MYO3B: variants seen among roughly 807,000 people sequenced by gnomAD.
The protein encoded by MYO3B is myosin-IIIb.
In MYO3B, 156 loss-of-function variants were observed where a neutral mutation model predicts 174.6. The ratio of observed to expected loss-of-function variants is 0.89; its 90% confidence interval spans 0.78 to 1.02. The LOEUF is 1.02. MYO3B is among the 50% of genes least tolerant of loss of function. MYO3B has a pLI of 0.00. For missense variants in MYO3B, 1,632 were observed against 1,639.4 expected (o/e 1.00, Z 0.08); for synonymous variants, 563 against 569.1 (o/e 0.99, Z 0.15).
At chr2:170,543,144 A>G (rs1215795349) in intron 31 of MYO3B, among the ~76,000 whole-genome samples, 178 bp downstream of exon 31, 1 of 152,204 alleles carries the variant, frequency 6.6e-6, no homozygotes, top group East Asian at 1.9e-4. Flanking sequence ...TTGGTTCAGT[A>G]GAGAGACAGG....
chr2:170,261,701 C>T (rs1258718234), intron 7 of MYO3B, among the ~76,000 whole-genome samples: 1 of 152,190 alleles, frequency 6.6e-6, no homozygotes, highest in Non-Finnish European at 1.5e-5. Flanking sequence ...CTGGTTGTGG[C>T]ATGATGCTAT....
chr2:170,399,497 A>G (rs1028566414), intron 16 of MYO3B, among the ~76,000 whole-genome samples: 1 of 150,970 alleles, frequency 6.6e-6, no homozygotes, highest in African/African-American at 2.4e-5. Flanking sequence ...AAGGTTAATT[A>G]TATATATTTC....
chr2:170,383,216 C>A, intron 11 of MYO3B, 27 bp downstream of exon 11: 1 of 1,338,266 alleles, frequency 7.5e-7, no homozygotes, highest in Non-Finnish European at 1.1e-6. Context: ...GAGCATACTG[C>A]TCCTTAATAG....
intron 18 of MYO3B, 33 bp from the exon 19 acceptor site, chr2:170,402,815 C>T: frequency 6.4e-7 from 1 of 1,565,540 alleles, no homozygotes; most frequent in Non-Finnish European, 8.7e-7. Context: ...GTGTTTCCTC[C>T]CCTAAAGAGT....
chr2:170,522,902 A>G (rs183638940), intron 30 of MYO3B, among the ~76,000 whole-genome samples: 1 of 152,342 alleles, frequency 6.6e-6, no homozygotes, highest in East Asian at 1.9e-4. Context: ...AGGATAATGA[A>G]TTTGTGCCCA....
In MYO3B at chr2:170,652,097, C is replaced by T. The variant is rs370369235; in HGVS notation, c.3841-11C>T. 6.2e-7 allele frequency: 1 copy of T among 1,611,062 alleles called. No homozygotes were observed. Among genetic ancestry groups the T allele is most frequent in the East Asian group, 2.2e-5 (1 of 44,864 alleles). On this transcript the variant is annotated splice_polypyrimidine_tract_variant and intron_variant, in intron 33 of 34. Transcript: ENST00000408978. Reference sequence around the variant, plus strand: ...TTTGCTTTGACTGTGTGTTCTTGGCCCTCTCCACAGGGAACTCTAGAATAT... The same window carrying T: ...TTTGCTTTGACTGTGTGTTCTTGGCTCTCTCCACAGGGAACTCTAGAATAT...
intron 19 of MYO3B, among the ~76,000 whole-genome samples, chr2:170,403,278 CTTTA>C (rs2094490015): frequency 6.6e-6 from 1 of 151,710 alleles, no homozygotes; most frequent in Non-Finnish European, 1.5e-5. Flanking sequence ...ATCTCTTCTA[CTTTA>C]TTTAACTAAA....
At chr2:170,348,150 T>C (rs550032178) in intron 8 of MYO3B, 1 of 152,272 alleles carries the variant, frequency 6.6e-6, no homozygotes, top group African/African-American at 2.4e-5. Flanking sequence ...AAGCAAAATA[T>C]AATGTTTTTA....
At chr2:170,539,429 G>A (rs1161536952) in intron 30 of MYO3B, among the ~76,000 whole-genome samples, 2 of 152,160 alleles carry the variant, frequency 1.3e-5, no homozygotes, top group African/African-American at 4.8e-5. Context: ...CGTGGTGTTA[G>A]TGGTGTTAAA....
intron 7 of MYO3B, among the ~76,000 whole-genome samples, chr2:170,263,973 C>T (rs967313421): frequency 6.6e-6 from 1 of 152,164 alleles, no homozygotes; most frequent in African/African-American, 2.4e-5. Flanking sequence ...GGCAGAGATC[C>T]CTGTGGCCTT....
chr2:170,497,880 G>C (rs1686983455), intron 25 of MYO3B, among the ~76,000 whole-genome samples: 1 of 149,580 alleles, frequency 6.7e-6, no homozygotes, highest in Admixed American at 6.7e-5. Context: ...ATGAGGCAGA[G>C]GTTGCAGTGA....
chr2:170,651,044 C>A (rs1246520378), intron 32 of MYO3B, among the ~76,000 whole-genome samples: 1 of 152,128 alleles, frequency 6.6e-6, no homozygotes, highest in Non-Finnish European at 1.5e-5. Flanking sequence ...CAGGGAGAGA[C>A]TGCTTCATGT....
In MYO3B at chr2:170,382,108, A is replaced by G. The variant is rs1212982209; in HGVS notation, c.1064A>G (p.Asp355Gly). 17 of 1,611,622 alleles carry G rather than the reference A, an allele frequency of 1.1e-5. No individual in the cohort carries two copies. The highest frequency in any genetic ancestry group is 1.3e-5 in the African/African-American group (1 of 74,992). ...GATTTGGTCAACCTAGAGGTTCTGGATGAGGTACTAAATATTTAGTAGACA... is the reference window on the plus strand; with the variant it reads ...GATTTGGTCAACCTAGAGGTTCTGGGTGAGGTACTAAATATTTAGTAGACA... ...EDDLVNLEVL[D>G]EDTIIHQLQK... Residue 355 changes from aspartate to glycine, a missense_variant, in exon 10 of 35, where the codon GAT becomes GGT. Transcript: ENST00000408978.
At chr2:170,632,671 TCAA>T (rs1697110222) in intron 32 of MYO3B, among the ~76,000 whole-genome samples, 2 of 151,870 alleles carry the variant, frequency 1.3e-5, no homozygotes, top group Non-Finnish European at 2.9e-5. Context: ...AAAAAACCCT[TCAA>T]AAAAACCAAC....
chr2:170,542,389 TG>T, intron 30 of MYO3B, among the ~76,000 whole-genome samples: 1 of 152,374 alleles, frequency 6.6e-6, no homozygotes, highest in East Asian at 1.9e-4. Context: ...AAATTACTGT[TG>T]GAACTTTATC....
intron 5 of MYO3B, among the ~76,000 whole-genome samples, chr2:170,216,271 T>G (rs6724040): frequency 0.38 from 58,539 of 152,070 alleles, 11,224 homozygotes; most frequent in East Asian, 0.45. Flanking sequence ...TCTCTTAAGG[T>G]CTATGTGAGA....
chr2:170,607,666 G>C (rs962696892), intron 32 of MYO3B, among the ~76,000 whole-genome samples: 1 of 152,172 alleles, frequency 6.6e-6, no homozygotes, highest in Admixed American at 6.5e-5. Context: ...AGCAGCTACT[G>C]TTTTCACCTG....
chr2:170,202,783 A>C (rs980955591), intron 3 of MYO3B, among the ~76,000 whole-genome samples: 3 of 152,122 alleles, frequency 2.0e-5, no homozygotes, highest in African/African-American at 7.2e-5. Context: ...GACTCACACA[A>C]AAAAATTATC....
At chr2:170,535,437 T>C (rs1015480378) in intron 30 of MYO3B, among the ~76,000 whole-genome samples, 12 of 152,210 alleles carry the variant, frequency 7.9e-5, no homozygotes, top group East Asian at 3.8e-4. Flanking sequence ...CCAGATATCA[T>C]TGGGCTTCAT....
Sources: gnomAD v4.1 joint callset for allele counts (sites outside exome capture counted in the v4.1 genomes callset) on GRCh38, gnomAD v4.1.1 for gene constraint, MANE v1.5 for transcripts, NCBI Gene and HGNC (gene_info 2026-07-23, HGNC 2026-07-21) for gene names.